Variants in ANKS1A observed in about 807,000 individuals in gnomAD.
ANKS1A encodes ankyrin repeat and SAM domain-containing protein 1A.
ANKS1A carries 55 observed loss-of-function variants against 120.3 expected under a neutral mutation model. The observed-to-expected ratio is 0.46, with a 90% confidence interval of 0.37 to 0.57. The LOEUF (loss-of-function observed/expected upper bound fraction) is 0.57, where lower values mean the gene tolerates loss of function less well. ANKS1A is among the 20% of genes least tolerant of loss of function. The pLI is 0.00. For missense variants in ANKS1A, 1,123 were observed against 1,480.3 expected (o/e 0.76, Z 3.96); for synonymous variants, 590 against 604.7 (o/e 0.98, Z 0.36).
chr6:34,929,578 T>G (rs922013678), intron 1 of ANKS1A, among the ~76,000 whole-genome samples: 4 of 152,262 alleles, frequency 2.6e-5, no homozygotes, highest in African/African-American at 9.6e-5. Flanking sequence ...TCTGCCACTT[T>G]GCTTAGATTT....
chr6:34,896,686 C>A (rs1405478204), intron 1 of ANKS1A, among the ~76,000 whole-genome samples: 1 of 152,030 alleles, frequency 6.6e-6, no homozygotes, highest in East Asian at 1.9e-4. Context: ...AAAACTAGGC[C>A]AGGCGCAGTG....
chr6:35,055,420 C>T (rs929160452), intron 12 of ANKS1A, among the ~76,000 whole-genome samples: 1 of 152,030 alleles, frequency 6.6e-6, no homozygotes, highest in African/African-American at 2.4e-5. Flanking sequence ...ACCTCCGCCT[C>T]CTGGGTTCAA....
intron 1 of ANKS1A, among the ~76,000 whole-genome samples, chr6:34,913,035 G>A (rs1444894795): frequency 6.6e-6 from 1 of 152,092 alleles, no homozygotes; most frequent in Non-Finnish European, 1.5e-5. Flanking sequence ...CTTTTCAAAC[G>A]TTTACTGAGT....
At chr6:34,914,246 C>T (rs557195479) in intron 1 of ANKS1A, among the ~76,000 whole-genome samples, 2 of 152,258 alleles carry the variant, frequency 1.3e-5, no homozygotes, top group South Asian at 2.1e-4. Flanking sequence ...TAAAATTGAT[C>T]AATCAGGAAG....
At chr6:34,892,042 G>A (rs1259883989) in intron 1 of ANKS1A, among the ~76,000 whole-genome samples, 1 of 152,208 alleles carries the variant, frequency 6.6e-6, no homozygotes, top group East Asian at 1.9e-4. Flanking sequence ...TGAGCACAAT[G>A]CTTCTACTTT....
chr6:34,976,472 G>A (rs770499115), intron 3 of ANKS1A, among the ~76,000 whole-genome samples: 45 of 152,042 alleles, frequency 3.0e-4, no homozygotes, highest in Non-Finnish European at 5.3e-4. Context: ...CTTAGTCTGA[G>A]TCATAAAATG....
intron 13 of ANKS1A, chr6:35,070,762 G>A: frequency 3.2e-6 from 1 of 314,546 alleles, no homozygotes; most frequent in South Asian, 3.4e-5. Flanking sequence ...GGGATTACAG[G>A]CGTGAGCCAC....
chr6:34,999,533 A>G (rs1235049826), intron 10 of ANKS1A, among the ~76,000 whole-genome samples: 4 of 152,206 alleles, frequency 2.6e-5, no homozygotes, highest in Admixed American at 6.5e-5. Context: ...ACTAGGAACT[A>G]TGTTGAAAAA....
intron 13 of ANKS1A, among the ~76,000 whole-genome samples, chr6:35,071,801 G>A (rs1777101250): frequency 6.6e-6 from 1 of 152,224 alleles, no homozygotes; most frequent in Non-Finnish European, 1.5e-5. Flanking sequence ...CCCCGGCCTC[G>A]TGGAGCCTTC....
At chr6:34,969,980 A>G (rs2127512051) in intron 2 of ANKS1A, 30 bp from the exon 3 acceptor site, 2 of 1,608,312 alleles carry the variant, frequency 1.2e-6, no homozygotes, top group South Asian at 2.2e-5. Flanking sequence ...TCTGAGTTCT[A>G]CCAACTCATG....
intron 11 of ANKS1A, among the ~76,000 whole-genome samples, chr6:35,038,706 G>A (rs1775306610): frequency 6.6e-6 from 1 of 151,926 alleles, no homozygotes; most frequent in African/African-American, 2.4e-5. Context: ...GGCTGGTCTT[G>A]AACTCCTGGA....
intron 11 of ANKS1A, among the ~76,000 whole-genome samples, chr6:35,040,832 C>G (rs1458715194): frequency 1.3e-5 from 2 of 152,186 alleles, no homozygotes; most frequent in Non-Finnish European, 2.9e-5. Context: ...GTAAGCTTCC[C>G]CTTCACCCCT....
rs1772026115 is a variant in ANKS1A at position 34,983,516 on chromosome 6, A to G, written c.1012+91A>G. 22 of 1,134,378 alleles carry G rather than the reference A, an allele frequency of 1.9e-5. No individual in the cohort carries two copies. In the East Asian group the frequency reaches 5.3e-4, roughly 27 times the overall value. The allele number at this position is 1,134,378 out of a possible 1,614,324, so 70.3% of individuals were successfully genotyped here. A position where few individuals can be genotyped will look rare whatever the true frequency, so the allele number is the denominator to read the frequency against. Reference sequence around the variant, plus strand: ...AGAATGGAAAAATCTTAATTTAAATAATAATTTTGGGGGATTGTGAGTACT... The same window carrying G: ...AGAATGGAAAAATCTTAATTTAAATGATAATTTTGGGGGATTGTGAGTACT... On this transcript the variant is annotated intron_variant, in intron 7 of 23. Transcript: ENST00000360359.
the ANKS1A span, among the ~76,000 whole-genome samples, chr6:35,096,772 C>T: frequency 0.037 from 5,641 of 152,252 alleles, 255 homozygotes; most frequent in East Asian, 0.23. Context: ...AACGCTAAGG[C>T]ATGCCAGGTT....
rs1381875085 is a variant in ANKS1A at position 35,060,632 on chromosome 6, C to G, written c.2184+379C>G. On this transcript the variant is annotated intron_variant, in intron 13 of 23. Coordinates refer to ENST00000360359, the MANE Select transcript of ANKS1A (RefSeq NM_015245.3). This position sits in a 1 kb window ranked among gnomAD's most constrained non-coding sequence, Gnocchi z 4.5. ...TTGTCACTGAAGCAAGGAGCCTTGCCTCCAGCAGAAAGACCCCTTCCCTGC... is the reference window on the plus strand; with the variant it reads ...TTGTCACTGAAGCAAGGAGCCTTGCGTCCAGCAGAAAGACCCCTTCCCTGC... 2.0e-5 allele frequency among the ~76,000 whole-genome samples: 3 copies of G among 152,184 alleles called. No homozygotes were observed. Among genetic ancestry groups the G allele is most frequent in the Admixed American group, 2.0e-4 (3 of 15,282 alleles).
intron 7 of ANKS1A, 150 bp downstream of exon 7, chr6:34,983,575 T>C (rs1772029330): frequency 1.5e-6 from 1 of 678,976 alleles, no homozygotes; most frequent in Non-Finnish European, 2.5e-6. Context: ...TGCCAACTAC[T>C]ATGTGAAGTT....
Position 34,983,398 on chromosome 6 carries a change from A to G in ANKS1A, c.985A>G (p.Met329Val). 6.2e-7 allele frequency: 1 copy of G among 1,613,752 alleles called. No individual in the cohort carries two copies. Among genetic ancestry groups the G allele is most frequent in the Non-Finnish European group, 8.5e-7 (1 of 1,179,816 alleles). Reference protein sequence around the residue: ...PPPQPPLISSMDSISQKSQGD... With the variant: ...PPPQPPLISSVDSISQKSQGD... ...ACCCCAGCCACCTCTCATCTCCAGT[A>G]TGGACTCCATATCACAGAAGTCTCA... Residue 329 changes from methionine to valine, a missense_variant, in exon 7 of 24, where the codon ATG becomes GTG. Around this residue, in one of 3 missense-constraint regions of ANKS1A, gnomAD observed 904 missense variants for 1,130.4 expected, o/e 0.80. Transcript: ENST00000360359.
At chr6:34,953,839 C>T (rs956454007) in intron 1 of ANKS1A, among the ~76,000 whole-genome samples, 3 of 152,124 alleles carry the variant, frequency 2.0e-5, no homozygotes, top group Non-Finnish European at 4.4e-5. Context: ...TGAGTAAATA[C>T]GCTGAATGAC....
Position 35,082,539 on chromosome 6 carries a change from G to C in ANKS1A, c.2710-152G>C. ...ACCTCCCCTCTCCCGCAGTGTGTTT[G>C]AATTGCTGGTCTGCCCCCTGCCATC... On this transcript the variant is annotated intron_variant, in intron 17 of 23. Transcript: ENST00000360359. This position sits in a 1 kb window ranked among gnomAD's most constrained non-coding sequence, Gnocchi z 4.1. The C allele has an allele frequency of 5.1e-6, 5 of 986,926 alleles. No homozygotes were observed. The highest frequency in any genetic ancestry group is 4.2e-6 in the Non-Finnish European group (3 of 706,572). 61.1% of individuals were successfully genotyped at this position (986,926 alleles called of 1,614,324 possible). A position where few individuals can be genotyped will look rare whatever the true frequency, so the allele number is the denominator to read the frequency against.
Sources: allele counts gnomAD v4.1 joint callset (sites outside exome capture counted in the v4.1 genomes callset), GRCh38; gene constraint gnomAD v4.1.1; regional missense constraint gnomAD v4.1.1; non-coding constraint Gnocchi (gnomAD v3.1); transcripts MANE v1.5; gene names NCBI Gene and HGNC (gene_info 2026-07-23, HGNC 2026-07-21).